The following ITSN1 variants were observed in gnomAD, a reference collection of about 807,000 sequenced individuals.
ITSN1 encodes the protein intersectin-1.
A neutral mutation model predicts 239.8 loss-of-function variants in ITSN1; 58 were observed. The ratio of observed to expected loss-of-function variants is 0.24; its 90% CI spans 0.20 to 0.30. The LOEUF is 0.30. Among genes scored for constraint, ITSN1 ranks in the 10% least tolerant of loss-of-function variants. The pLI is 1.00. For missense variants in ITSN1, 1,558 were observed against 2,103.3 expected (o/e 0.74, Z 5.07); for synonymous variants, 780 against 770.8 (o/e 1.01, Z -0.20).
At chr21:33,764,907 G>C (rs1461017472) in intron 9 of ITSN1, among the ~76,000 whole-genome samples, 1 of 152,208 alleles carries the variant, frequency 6.6e-6, no homozygotes, top group East Asian at 1.9e-4. Flanking sequence ...GATGGAGATT[G>C]AATCCTGAGA....
intron 33 of ITSN1, among the ~76,000 whole-genome samples, chr21:33,873,966 G>A (rs980154419): frequency 6.6e-6 from 1 of 151,756 alleles, no homozygotes; most frequent in Non-Finnish European, 1.5e-5. Context: ...TTCAAGACCA[G>A]CCTGGCCAGC....
rs755904968 is a variant in ITSN1 at position 33,836,441 on chromosome 21, T to C, written c.3470T>C (p.Val1157Ala). The C allele has an allele frequency of 6.9e-6, 11 of 1,600,640 alleles. 1 individual carries two copies. The South Asian group carries it at 9.0e-5, about 13-fold the overall frequency. The change falls in exon 29 of 40, where the codon GTG (valine) becomes GCG (alanine). Residue 1157 changes from valine to alanine, a missense_variant and splice_region_variant. Physicochemically the swap from Val to Ala is moderately conservative, Grantham distance 64. Around this residue, in one of 2 missense-constraint regions of ITSN1, gnomAD observed 576 missense variants for 893.3 expected, o/e 0.64. Transcript: ENST00000381318. ...EPPKSTALAA[V>A]CQVIGMYDYT... Reference sequence around the variant, plus strand: ...GCTCACCCAGCCCTGTCTCCTGCAGTGTGCCAGGTGATTGGGATGTACGAC... The same window carrying C: ...GCTCACCCAGCCCTGTCTCCTGCAGCGTGCCAGGTGATTGGGATGTACGAC...
At chr21:33,786,134 A>C (rs1250232571) in intron 16 of ITSN1, among the ~76,000 whole-genome samples, 2 of 152,192 alleles carry the variant, frequency 1.3e-5, no homozygotes, top group Non-Finnish European at 2.9e-5. Flanking sequence ...TTTGATTATC[A>C]AATGAAATAT....
chr21:33,711,938 A>C (rs1262656617), intron 1 of ITSN1, among the ~76,000 whole-genome samples: 1 of 152,156 alleles, frequency 6.6e-6, no homozygotes, highest in Non-Finnish European at 1.5e-5. Context: ...AGGAAAAATA[A>C]ATTTATATTT....
intron 20 of ITSN1, among the ~76,000 whole-genome samples, 166 bp downstream of exon 20, chr21:33,802,610 G>A (rs940019854): frequency 6.6e-6 from 1 of 152,014 alleles, no homozygotes; most frequent in African/African-American, 2.4e-5. Flanking sequence ...AAAGTAAGTC[G>A]TAAGTCTTCT....
chr21:33,758,828 G>C (rs986834255), intron 8 of ITSN1, among the ~76,000 whole-genome samples: 2 of 152,110 alleles, frequency 1.3e-5, no homozygotes, highest in Non-Finnish European at 2.9e-5. Context: ...GGGATTTCTG[G>C]TTTTATTCCT....
At chr21:33,749,590 C>T (rs764717028) in intron 5 of ITSN1, among the ~76,000 whole-genome samples, 1 of 150,304 alleles carries the variant, frequency 6.7e-6, no homozygotes, top group Non-Finnish European at 1.5e-5. Context: ...TGCAGTGAGC[C>T]AAGATCACGC....
chr21:33,847,001 A>G (rs993394889), intron 29 of ITSN1, among the ~76,000 whole-genome samples: 1 of 152,220 alleles, frequency 6.6e-6, no homozygotes, highest in African/African-American at 2.4e-5. Flanking sequence ...GCCCCACAAA[A>G]GTAGGGGCCC....
intron 20 of ITSN1, among the ~76,000 whole-genome samples, chr21:33,809,797 A>G (rs1045340148): frequency 3.3e-5 from 5 of 151,856 alleles, no homozygotes; most frequent in African/African-American, 1.2e-4. Context: ...TAATGAAAAT[A>G]AAATTTTTTT....
intron 28 of ITSN1, among the ~76,000 whole-genome samples, chr21:33,834,656 C>T (rs1316545195): frequency 1.3e-5 from 2 of 152,214 alleles, no homozygotes; most frequent in East Asian, 1.9e-4. Context: ...TTGGAATGCT[C>T]TTCTTGCAGG....
chr21:33,833,961 T>A (rs2074453826), intron 27 of ITSN1, among the ~76,000 whole-genome samples: 1 of 152,124 alleles, frequency 6.6e-6, no homozygotes, highest in African/African-American at 2.4e-5. Flanking sequence ...TATACAGTGT[T>A]GGCATTAACC....
chr21:33,708,682 G>A (rs909312745), intron 1 of ITSN1, among the ~76,000 whole-genome samples: 9 of 152,122 alleles, frequency 5.9e-5, no homozygotes, highest in East Asian at 1.9e-4. Flanking sequence ...CACCGCACCC[G>A]GCCTAATTTT....
chr21:33,723,959 G>C (rs950404321), intron 4 of ITSN1, among the ~76,000 whole-genome samples: 3 of 152,120 alleles, frequency 2.0e-5, no homozygotes, highest in Non-Finnish European at 4.4e-5. Flanking sequence ...ATTAATAAAG[G>C]TTGATACAGC....
At chr21:33,762,940 G>A (rs1012461590) in intron 9 of ITSN1, among the ~76,000 whole-genome samples, 1 of 151,992 alleles carries the variant, frequency 6.6e-6, no homozygotes, top group Non-Finnish European at 1.5e-5. Flanking sequence ...CTGAGATTCC[G>A]GGGGTGAGCA....
At position 33,888,082 on chromosome 21, in the gene ITSN1, A is replaced by C. The variant is rs1216380282; in HGVS notation, c.5018-70A>C. 10 of 1,532,082 alleles carry C rather than the reference A, an allele frequency of 6.5e-6. No individual in the cohort carries two copies. In the East Asian group the frequency reaches 2.3e-4, roughly 35 times the overall value. The allele number at this position is 1,532,082 out of a possible 1,614,324, so 94.9% of individuals were successfully genotyped here. A position where few individuals can be genotyped will look rare whatever the true frequency, so the allele number is the denominator to read the frequency against. On this transcript the variant is annotated intron_variant, in intron 39 of 39. Coordinates refer to ENST00000381318, the MANE Select transcript of ITSN1 (RefSeq NM_003024.3). ...ATAACAGTTCATCAGGGGGTCCCCA[A>C]TATGCCAGACATGTGCCTCGAAGAG...
At chr21:33,661,608 T>C (rs1009463969) in intron 1 of ITSN1, among the ~76,000 whole-genome samples, 2 of 152,160 alleles carry the variant, frequency 1.3e-5, no homozygotes, top group African/African-American at 4.8e-5. Flanking sequence ...CATGATGATA[T>C]GGTTTGGCTG....
chr21:33,770,890 A>G (rs2147775074), intron 11 of ITSN1, among the ~76,000 whole-genome samples: 2 of 151,660 alleles, frequency 1.3e-5, no homozygotes, highest in Middle Eastern at 6.8e-3. Flanking sequence ...CAGCCTCCCA[A>G]GTAGCTGGGG....
chr21:33,885,925 G>A (rs780281228), intron 38 of ITSN1, among the ~76,000 whole-genome samples: 8 of 151,866 alleles, frequency 5.3e-5, no homozygotes, highest in African/African-American at 9.7e-5. Context: ...AGTGGGGAGC[G>A]GCCGGGCATG....
intron 39 of ITSN1, 53 bp from the exon 40 acceptor site, chr21:33,888,099 C>G: frequency 6.3e-7 from 1 of 1,587,030 alleles, no homozygotes; most frequent in Non-Finnish European, 8.6e-7. Context: ...AGACATGTGC[C>G]TCGAAGAGAG....
Sources: allele counts gnomAD v4.1 joint callset (sites outside exome capture counted in the v4.1 genomes callset), GRCh38; gene constraint gnomAD v4.1.1; regional missense constraint gnomAD v4.1.1; transcripts MANE v1.5; gene names NCBI Gene and HGNC (gene_info 2026-07-23, HGNC 2026-07-21).